Variants in XXYLT1 observed in about 807,000 individuals in gnomAD.
The protein encoded by XXYLT1 is UDP-xylose:alpha-xyloside alpha-1,3-xylosyltransferase.
XXYLT1 carries 20 observed loss-of-function variants against 28.9 expected under a neutral mutation model. The observed-to-expected ratio is 0.69, with a 90% CI of 0.49 to 1.00. The LOEUF is 1.00. Ranked by LOEUF, XXYLT1 falls within the 50% of genes least tolerant of loss-of-function variation. The pLI, the probability that XXYLT1 is intolerant of heterozygous loss-of-function variation, is 0.00. For missense variants in XXYLT1, 542 were observed against 560.1 expected (o/e 0.97, Z 0.33); for synonymous variants, 257 against 253.8 (o/e 1.01, Z -0.12).
intron 2 of XXYLT1, among the ~76,000 whole-genome samples, chr3:195,160,076 CAAGAA>C (rs1720797174): frequency 7.0e-6 from 1 of 142,598 alleles, no homozygotes; most frequent in South Asian, 2.5e-4. Context: ...CAAAAATAAA[CAAGAA>C]AAGGAAAAAA....
At position 195,120,287 on chromosome 3, in the gene XXYLT1, C is replaced by CCCCA. The variant is rs1222864765; in HGVS notation, c.785+36161_785+36162insTGGG. On this transcript the variant is annotated intron_variant, in intron 3 of 3. Coordinates refer to ENST00000310380, the MANE Select transcript of XXYLT1 (RefSeq NM_152531.5). ...CACTGCCCTCTGCTGCTCAGATGCC[C>CCCCA]CCCCCGCCCCAGCCCCCATGGCCAC... Among the ~76,000 whole-genome samples the CCCCA allele has an allele frequency of 5.0e-5, 7 of 140,702 alleles. 1 individual carries two copies. Among genetic ancestry groups the CCCCA allele is most frequent in the African/African-American group, 1.8e-4 (7 of 38,736 alleles). 92.3% of individuals were successfully genotyped at this position (140,702 alleles called of 152,430 possible).
At chr3:195,172,133 A>G (rs1721437227) in intron 2 of XXYLT1, among the ~76,000 whole-genome samples, 1 of 152,158 alleles carries the variant, frequency 6.6e-6, no homozygotes, top group East Asian at 1.9e-4. Context: ...TTCCTTTAAC[A>G]TTAACAAAAT....
intron 3 of XXYLT1, among the ~76,000 whole-genome samples, chr3:195,103,692 G>C (rs1388442999): frequency 6.6e-6 from 1 of 152,220 alleles, no homozygotes; most frequent in Admixed American, 6.5e-5. Context: ...CCATCAAGGG[G>C]AAGTCACTGG....
intron 2 of XXYLT1, among the ~76,000 whole-genome samples, chr3:195,205,066 C>T (rs865917111): frequency 2.0e-5 from 3 of 152,170 alleles, no homozygotes; most frequent in Admixed American, 6.5e-5. Context: ...TGGGATTTTG[C>T]CAAACTCTGG....
chr3:195,206,155 C>A (rs1309653341), intron 2 of XXYLT1, among the ~76,000 whole-genome samples: 1 of 151,258 alleles, frequency 6.6e-6, no homozygotes, highest in Non-Finnish European at 1.5e-5. Context: ...GGACTACAGG[C>A]CCCCACCACC....
At chr3:195,117,399 T>C (rs1186734010) in intron 3 of XXYLT1, among the ~76,000 whole-genome samples, 1 of 152,168 alleles carries the variant, frequency 6.6e-6, no homozygotes, top group Non-Finnish European at 1.5e-5. Context: ...ACTTGAGGGA[T>C]TTTTCTATGA....
intron 1 of XXYLT1, among the ~76,000 whole-genome samples, chr3:195,231,716 A>G (rs957249758): frequency 1.3e-5 from 2 of 150,790 alleles, no homozygotes; most frequent in African/African-American, 4.9e-5. Context: ...CCATTCTTGT[A>G]TCCTTGGGAT....
chr3:195,190,711 T>C (rs1350308290), intron 2 of XXYLT1, among the ~76,000 whole-genome samples: 1 of 152,016 alleles, frequency 6.6e-6, no homozygotes, highest in East Asian at 1.9e-4. Flanking sequence ...ACTGGGTTGT[T>C]GGGTTTATAA....
At chr3:195,189,738 T>C (rs1406739052) in intron 2 of XXYLT1, among the ~76,000 whole-genome samples, 3 of 151,992 alleles carry the variant, frequency 2.0e-5, no homozygotes, top group African/African-American at 4.8e-5. Context: ...ATACATGCAA[T>C]GGGAGACCTA....
At chr3:195,199,785 C>T (rs1722775831) in intron 2 of XXYLT1, among the ~76,000 whole-genome samples, 1 of 152,114 alleles carries the variant, frequency 6.6e-6, no homozygotes, top group Non-Finnish European at 1.5e-5. Context: ...TTGTGTTGGG[C>T]CTTAGATAAG....
In XXYLT1 at chr3:195,146,150, G is replaced by A. The variant is rs577805256; in HGVS notation, c.785+10299C>T. Among the ~76,000 whole-genome samples, 24 of 152,346 alleles carry A rather than the reference G, an allele frequency of 1.6e-4. No individual in the cohort carries two copies. The East Asian group carries it at 4.6e-3, about 29-fold the overall frequency. On this transcript the variant is annotated intron_variant, in intron 3 of 3. Coordinates refer to ENST00000310380, the MANE Select transcript of XXYLT1 (RefSeq NM_152531.5). Reference sequence around the variant, plus strand: ...TCCTGTGGCTGAAGTCTGCACCTGAGATGGCCATGGAGCCATATAGAAATT... The same window carrying A: ...TCCTGTGGCTGAAGTCTGCACCTGAAATGGCCATGGAGCCATATAGAAATT...
chr3:195,197,529 T>G (rs1377490446), intron 2 of XXYLT1, among the ~76,000 whole-genome samples: 2 of 151,606 alleles, frequency 1.3e-5, no homozygotes, highest in African/African-American at 2.4e-5. Context: ...TATAGTGAAA[T>G]GTTATTCTGA....
At chr3:195,110,240 G>A (rs1222158758) in intron 3 of XXYLT1, among the ~76,000 whole-genome samples, 1 of 6,808 alleles carries the variant, frequency 1.5e-4, no homozygotes, top group Non-Finnish European at 4.4e-4. Context: ...TGTGTGGTGT[G>A]CGTGTGTGGG....
Position 195,240,823 on chromosome 3 carries a change from G to GA in XXYLT1, c.505-13968dup, listed in dbSNP as rs1266093135. Reference sequence around the variant, plus strand: ...CTCCTGAAGGAACCATAAACTGGGGGACTGAGGCAGGAGGATCGCTTGAAC... The same window carrying GA: ...CTCCTGAAGGAACCATAAACTGGGGGAACTGAGGCAGGAGGATCGCTTGAAC... On this transcript the variant is annotated intron_variant, in intron 1 of 3. Coordinates refer to ENST00000310380, the MANE Select transcript of XXYLT1 (RefSeq NM_152531.5). The surrounding 1 kb of genome is among the most constrained non-coding windows in gnomAD (Gnocchi z 4.7). Among the ~76,000 whole-genome samples the GA allele has an allele frequency of 6.6e-6, 1 of 152,228 alleles. No individual in the cohort carries two copies. The highest frequency in any genetic ancestry group is 1.5e-5 in the Non-Finnish European group (1 of 68,040).
rs550867465 is a variant in XXYLT1 at position 195,257,454 on chromosome 3, C to T, written c.504+13101G>A. ...AGGTCCCCACATAACTGGCACCGTC[C>T]GAGCTTCATCATGAAAGGCGAGTTA... On this transcript the variant is annotated intron_variant, in intron 1 of 3. Transcript: ENST00000310380. This position sits in a 1 kb window ranked among gnomAD's most constrained non-coding sequence, Gnocchi z 4.3. Among the ~76,000 whole-genome samples the T allele has an allele frequency of 6.2e-4, 95 of 152,298 alleles. No homozygotes were observed. Among genetic ancestry groups the T allele is most frequent in the South Asian group, 4.8e-3 (23 of 4,826 alleles).
intron 3 of XXYLT1, among the ~76,000 whole-genome samples, chr3:195,113,992 C>A (rs1717914679): frequency 6.6e-6 from 1 of 152,184 alleles, no homozygotes; most frequent in Non-Finnish European, 1.5e-5. Context: ...CAGGTGAAAG[C>A]TTGGCACAGC....
At chr3:195,248,883 G>A (rs1267981585) in intron 1 of XXYLT1, among the ~76,000 whole-genome samples, 1 of 152,158 alleles carries the variant, frequency 6.6e-6, no homozygotes, top group Non-Finnish European at 1.5e-5. Flanking sequence ...TTGCGCCACT[G>A]TACTCCAGCC....
intron 3 of XXYLT1, among the ~76,000 whole-genome samples, chr3:195,097,369 C>T (rs1716507711): frequency 6.6e-6 from 1 of 152,160 alleles, no homozygotes; most frequent in Non-Finnish European, 1.5e-5. Context: ...ACAGCAATGG[C>T]AAATGCGTAT....
At chr3:195,071,653 CAA>C (rs1316002173) in intron 3 of XXYLT1, among the ~76,000 whole-genome samples, 2 of 142,550 alleles carry the variant, frequency 1.4e-5, no homozygotes, top group Non-Finnish European at 3.0e-5. Flanking sequence ...CATCTTGCCA[CAA>C]AAGTCTGCGG....
Sources: gnomAD v4.1 joint callset for allele counts (sites outside exome capture counted in the v4.1 genomes callset) on GRCh38, gnomAD v4.1.1 for gene constraint, Gnocchi (gnomAD v3.1) non-coding constraint, MANE v1.5 for transcripts, NCBI Gene and HGNC (gene_info 2026-07-23, HGNC 2026-07-21) for gene names.